Variants in ABL2 observed in about 807,000 individuals in gnomAD.
ABL2 encodes tyrosine-protein kinase ABL2.
ABL2 carries 49 observed loss-of-function variants against 107.7 expected under a neutral mutation model. That is an observed-to-expected ratio of 0.45 (90% confidence interval 0.36 to 0.58). The LOEUF (loss-of-function observed/expected upper bound fraction) is 0.58. Ranked by LOEUF, ABL2 falls within the 20% of genes least tolerant of loss-of-function variation. The probability of loss-of-function intolerance (pLI) is 0.00; values close to 1 mark genes in which losing one functional copy is unlikely to be tolerated. For missense variants in ABL2, 1,245 were observed against 1,457.0 expected (o/e 0.85, Z 2.37); for synonymous variants, 549 against 548.6 (o/e 1.00, Z -0.01).
At position 179,126,715 on chromosome 1, in the gene ABL2, A is replaced by G. The variant is rs780508283; in HGVS notation, c.392-43T>C. 6.5e-7 allele frequency: 1 copy of G among 1,541,764 alleles called. No individual in the cohort carries two copies. Among genetic ancestry groups the G allele is most frequent in the Non-Finnish European group, 8.8e-7 (1 of 1,131,226 alleles). The stretch of plus-strand genomic sequence containing the variant: ...ACAGGATGAAAGAAACGATGTTAAG[A>G]CTTTATTTCAACTGAAGCAGTGTAC... On this transcript the variant is annotated intron_variant, in intron 3 of 11. Coordinates refer to ENST00000502732, the MANE Select transcript of ABL2 (RefSeq NM_007314.4). The surrounding 1 kb of genome is among the most constrained non-coding windows in gnomAD (Gnocchi z 4.4).
chr1:179,161,068 GC>G (rs1228526989), intron 1 of ABL2, among the ~76,000 whole-genome samples: 1 of 152,136 alleles, frequency 6.6e-6, no homozygotes, highest in Non-Finnish European at 1.5e-5. Flanking sequence ...TGATACCAAT[GC>G]TAGTAGTCTA....
chr1:179,189,907 G>A (rs370564906), intron 1 of ABL2, among the ~76,000 whole-genome samples: 11 of 151,576 alleles, frequency 7.3e-5, no homozygotes, highest in African/African-American at 2.2e-4. Context: ...GGCAACCTCC[G>A]CCTTCCAGGT....
chr1:179,214,971 C>T (rs1367906563), intron 1 of ABL2, among the ~76,000 whole-genome samples: 2 of 152,066 alleles, frequency 1.3e-5, no homozygotes, highest in Admixed American at 6.6e-5. Context: ...ACCAGACTGG[C>T]TAACATGGTG....
intron 1 of ABL2, among the ~76,000 whole-genome samples, chr1:179,198,052 AG>A (rs1661424631): frequency 6.6e-6 from 1 of 151,468 alleles, no homozygotes; most frequent in Admixed American, 6.6e-5. Flanking sequence ...ACACGTCTAT[AG>A]TCCCGGCTAC....
intron 1 of ABL2, among the ~76,000 whole-genome samples, chr1:179,226,615 C>T (rs1331133587): frequency 6.6e-6 from 1 of 152,098 alleles, no homozygotes; most frequent in Admixed American, 6.6e-5. Context: ...CCGAATTACT[C>T]CTGTTTTTAA....
chr1:179,112,067 G>T (rs1211566688), intron 10 of ABL2, among the ~76,000 whole-genome samples: 1 of 151,686 alleles, frequency 6.6e-6, no homozygotes, highest in Non-Finnish European at 1.5e-5. Flanking sequence ...GTATATATAT[G>T]AATATCATTT....
intron 1 of ABL2, among the ~76,000 whole-genome samples, chr1:179,192,063 A>G (rs1571287534): frequency 6.6e-6 from 1 of 152,204 alleles, no homozygotes; most frequent in Non-Finnish European, 1.5e-5. Flanking sequence ...CCATTCCCCT[A>G]CAGTCAAAAT....
chr1:179,123,681 G>A (rs1655446743), intron 4 of ABL2, among the ~76,000 whole-genome samples: 1 of 152,274 alleles, frequency 6.6e-6, no homozygotes, highest in East Asian at 1.9e-4. Flanking sequence ...CCGGCCTGGA[G>A]TGCAGTGACA....
chr1:179,144,267 T>C, intron 1 of ABL2, among the ~76,000 whole-genome samples: 1 of 152,044 alleles, frequency 6.6e-6, no homozygotes, highest in Admixed American at 6.5e-5. Context: ...ACCATCCTCC[T>C]GGCTAACACA....
At position 179,229,173 on chromosome 1, in the gene ABL2, A is replaced by AACCC; in HGVS notation, c.157+67_157+68insGGGT. Reference sequence around the variant, plus strand: ...CGACCCCTCGGGCAGCCCGTCCGCCACCCACCCCGCCCCGACCCCACCCCC... The same window carrying AACCC: ...CGACCCCTCGGGCAGCCCGTCCGCCAACCCCCCACCCCGCCCCGACCCCACCCCC... On this transcript the variant is annotated intron_variant, in intron 1 of 11. Coordinates refer to ENST00000502732, the MANE Select transcript of ABL2 (RefSeq NM_007314.4). The AACCC allele has an allele frequency of 1.8e-5, 4 of 223,208 alleles. 1 individual carries two copies. The highest frequency in any genetic ancestry group is 2.9e-5 in the Non-Finnish European group (4 of 139,496). The allele number at this position is 223,208 out of a possible 1,614,324, so 13.8% of individuals were successfully genotyped here.
intron 1 of ABL2, among the ~76,000 whole-genome samples, chr1:179,218,760 A>G (rs2124851573): frequency 6.6e-6 from 1 of 152,292 alleles, no homozygotes; most frequent in East Asian, 1.9e-4. Context: ...AACCAGCAGC[A>G]CCTGTAACAC....
chr1:179,126,604 G>C lies in ABL2; in HGVS notation c.460C>G (p.Gln154Glu). The change falls in exon 4 of 12, where the codon CAG becomes GAG. Residue 154 changes from glutamine to glutamate, a missense_variant. Gln to Glu is a conservative substitution (Grantham distance 29). Around this residue, in one of 3 missense-constraint regions of ABL2, gnomAD observed 320 missense variants for 547.0 expected, o/e 0.59. Transcript: ENST00000502732. The surrounding 1 kb of genome is among the most constrained non-coding windows in gnomAD (Gnocchi z 4.4). ...EWSEVRSKNG[Q>E]GWVPSNYITP... ...ATGTAGTTGCTTGGCACCCAGCCCT[G>C]CCCATTCTTAGAGCGAACTTCACTC... is the stretch of plus-strand genomic sequence containing the variant. 6.2e-7 allele frequency: 1 copy of C among 1,614,118 alleles called. No individual in the cohort carries two copies. The highest frequency in any genetic ancestry group is 8.5e-7 in the Non-Finnish European group (1 of 1,180,036).
At chr1:179,166,168 C>T (rs1414195106) in intron 1 of ABL2, among the ~76,000 whole-genome samples, 1 of 152,004 alleles carries the variant, frequency 6.6e-6, no homozygotes, top group Non-Finnish European at 1.5e-5. Context: ...AAAAATGCTT[C>T]AGGACATTGA....
At chr1:179,184,421 T>C (rs1660565559) in intron 1 of ABL2, 1 of 986,108 alleles carries the variant, frequency 1.0e-6, no homozygotes, top group East Asian at 2.6e-5. Flanking sequence ...AGAGGCAGCA[T>C]GAGGCACCAG....
At chr1:179,141,470 G>C (rs1283213936) in intron 1 of ABL2, among the ~76,000 whole-genome samples, 2 of 152,102 alleles carry the variant, frequency 1.3e-5, no homozygotes, top group East Asian at 3.9e-4. Context: ...AACAGAATGA[G>C]ATCTACAGCA....
Position 179,109,212 on chromosome 1 carries a change from G to T in ABL2, c.2055C>A (p.Leu685=). The change falls in exon 12 of 12, where the codon CTC becomes CTA. Residue 685 remains leucine (L), a synonymous_variant. Coordinates refer to ENST00000502732, the MANE Select transcript of ABL2 (RefSeq NM_007314.4). ...AAGCAACAGATGAGAAGTTACCCGT[G>T]AGTTCGTATTTCTTATGGGGCTGAT... The part of the protein sequence containing the change: ...MENQPHKKYE[L]TGNFSSVASL... The T allele has an allele frequency of 6.2e-7, 1 of 1,614,150 alleles. No homozygotes were observed. The highest frequency in any genetic ancestry group is 8.5e-7 in the Non-Finnish European group (1 of 1,180,044).
rs750278160 is a variant in ABL2 at position 179,110,320 on chromosome 1, T to C, written c.1787A>G (p.Gln596Arg). 1.2e-6 allele frequency: 2 copies of C among 1,614,224 alleles called. No individual in the cohort carries two copies. Among genetic ancestry groups the C allele is most frequent in the East Asian group, 2.2e-5 (1 of 44,882 alleles). The change falls in exon 11 of 12, where the codon CAA becomes CGA. Residue 596 changes from glutamine (Q) to arginine (R), a missense_variant. Physicochemically the swap from Gln to Arg is conservative, Grantham distance 43. Around this residue, in one of 3 missense-constraint regions of ABL2, gnomAD observed 761 missense variants for 766.4 expected, o/e 0.99. Transcript: ENST00000502732. ...GGAAGCAGAATTTTCTGTGGCATCT[T>C]GTGCCCCTTCAATGTTCTCCTTGTT... Reference protein sequence around the residue: ...VENKENIEGAQDATENSASSL... With the variant: ...VENKENIEGARDATENSASSL...
chr1:179,152,541 T>C (rs1325732110), intron 1 of ABL2, among the ~76,000 whole-genome samples: 1 of 152,162 alleles, frequency 6.6e-6, no homozygotes. Context: ...GAGATGACTG[T>C]GTGTGTGCAT....
intron 1 of ABL2, among the ~76,000 whole-genome samples, chr1:179,136,647 A>G (rs1269262165): frequency 6.7e-6 from 1 of 149,208 alleles, no homozygotes; most frequent in Non-Finnish European, 1.5e-5. Flanking sequence ...CCTTCCCTCC[A>G]CTATTGTCCT....
Sources: allele counts gnomAD v4.1 joint callset (sites outside exome capture counted in the v4.1 genomes callset), GRCh38; gene constraint gnomAD v4.1.1; regional missense constraint gnomAD v4.1.1; non-coding constraint Gnocchi (gnomAD v3.1); transcripts MANE v1.5; gene names NCBI Gene and HGNC (gene_info 2026-07-23, HGNC 2026-07-21).